The following AK4 variants were observed in gnomAD, a reference collection of about 807,000 sequenced individuals.
AK4 encodes the protein adenylate kinase 4, mitochondrial.
Under a neutral mutation model 24.6 loss-of-function variants are expected in AK4, and 13 were observed. The ratio of observed to expected loss-of-function variants is 0.53; its 90% confidence interval spans 0.34 to 0.84. The LOEUF (loss-of-function observed/expected upper bound fraction) is 0.84. AK4 is among the 40% of genes least tolerant of loss of function. AK4 has a pLI of 0.01. For missense variants in AK4, 192 were observed against 288.2 expected, an observed-to-expected ratio of 0.67 and a Z score of 2.42; for synonymous variants, 88 against 107.0, an observed-to-expected ratio of 0.82 and a Z score of 1.10.
chr1:65,152,382 ATATTTTTTTTTTTTTTTTT>A (rs1649824665), intron 1 of AK4, among the ~76,000 whole-genome samples: 8 of 26,716 alleles, frequency 3.0e-4, no homozygotes, highest in African/African-American at 7.8e-4. Flanking sequence ...ATATATATAT[ATATTTTTTTTTTTTTTTTT>A]TTTTTTTTTT....
intron 1 of AK4, among the ~76,000 whole-genome samples, chr1:65,156,080 GT>G (rs1383995030): frequency 2.6e-5 from 4 of 152,088 alleles, no homozygotes; most frequent in African/African-American, 9.7e-5. Flanking sequence ...GTTAAATACT[GT>G]TTTTTAATGT....
chr1:65,192,417 A>C (rs1338086868), intron 2 of AK4, among the ~76,000 whole-genome samples: 1 of 152,124 alleles, frequency 6.6e-6, no homozygotes, highest in African/African-American at 2.4e-5. Context: ...TGACCTAATT[A>C]CCTCTTAAAG....
intron 2 of AK4, among the ~76,000 whole-genome samples, chr1:65,198,950 G>A (rs924944619): frequency 6.6e-6 from 1 of 151,868 alleles, no homozygotes; most frequent in Non-Finnish European, 1.5e-5. Flanking sequence ...GGTGGTGCAT[G>A]CCTGTCTATA....
chr1:65,180,693 A>G (rs747201545), intron 1 of AK4, among the ~76,000 whole-genome samples: 2 of 152,172 alleles, frequency 1.3e-5, no homozygotes, highest in African/African-American at 2.4e-5. Context: ...AGTTATTTCT[A>G]CTTCAGTGCC....
intron 2 of AK4, among the ~76,000 whole-genome samples, chr1:65,196,074 T>A (rs1300674472): frequency 6.6e-6 from 1 of 152,192 alleles, no homozygotes; most frequent in Non-Finnish European, 1.5e-5. Flanking sequence ...TCTTTAAAGC[T>A]CTGGAATAAA....
At chr1:65,199,288 G>A (rs974302118) in intron 2 of AK4, among the ~76,000 whole-genome samples, 6 of 151,988 alleles carry the variant, frequency 3.9e-5, no homozygotes, top group Admixed American at 6.6e-5. Flanking sequence ...GGTGGCTCAC[G>A]CCTGTAATCC....
At chr1:65,179,720 A>G (rs1383557784) in intron 1 of AK4, among the ~76,000 whole-genome samples, 1 of 152,142 alleles carries the variant, frequency 6.6e-6, no homozygotes, top group Non-Finnish European at 1.5e-5. Context: ...CTGTAGTCTC[A>G]GCTACTCTGG....
intron 1 of AK4, among the ~76,000 whole-genome samples, chr1:65,157,792 GAAA>G (rs939998627): frequency 6.8e-6 from 1 of 147,354 alleles, no homozygotes; most frequent in African/African-American, 2.5e-5. Context: ...CTGTCTCTGA[GAAA>G]AAAAAAAATT....
intron 3 of AK4, among the ~76,000 whole-genome samples, chr1:65,223,508 C>T (rs1207757224): frequency 6.6e-6 from 1 of 151,844 alleles, no homozygotes; most frequent in Non-Finnish European, 1.5e-5. Context: ...AATGTTATCA[C>T]GTATGATGAG....
At chr1:65,199,346 G>A (rs753629144) in intron 2 of AK4, among the ~76,000 whole-genome samples, 1 of 152,050 alleles carries the variant, frequency 6.6e-6, no homozygotes, top group Non-Finnish European at 1.5e-5. Flanking sequence ...TCAGGAGTTC[G>A]AGACCAGCCT....
chr1:65,162,618 A>G (rs1261548929), intron 1 of AK4, among the ~76,000 whole-genome samples: 2 of 152,128 alleles, frequency 1.3e-5, no homozygotes, highest in African/African-American at 4.8e-5. Context: ...TGAGGCGGGC[A>G]GATCACAAGG....
intron 1 of AK4, among the ~76,000 whole-genome samples, chr1:65,152,688 C>T (rs972290561): frequency 2.6e-5 from 4 of 151,832 alleles, no homozygotes; most frequent in Admixed American, 6.6e-5. Context: ...CGTGAGCCAC[C>T]GCACCTGGCC....
intron 1 of AK4, among the ~76,000 whole-genome samples, chr1:65,152,353 T>TCG (rs1649808758): frequency 4.9e-5 from 2 of 40,596 alleles, no homozygotes; most frequent in Non-Finnish European, 9.1e-5. Flanking sequence ...TCTCTCTCTC[T>TCG]CTCTCTCTAT....
intron 1 of AK4, among the ~76,000 whole-genome samples, chr1:65,184,085 C>T (rs1651006575): frequency 6.6e-6 from 1 of 152,052 alleles, no homozygotes; most frequent in African/African-American, 2.4e-5. Flanking sequence ...TGTATATTAT[C>T]TGATCTAGTT....
At chr1:65,176,410 G>A (rs1013455581) in intron 1 of AK4, among the ~76,000 whole-genome samples, 6 of 152,178 alleles carry the variant, frequency 3.9e-5, no homozygotes, top group Admixed American at 3.3e-4. Context: ...CTCAGGAAGC[G>A]TTCTAGGGAA....
chr1:65,153,227 C>T (rs1276127302), intron 1 of AK4, among the ~76,000 whole-genome samples: 1 of 152,200 alleles, frequency 6.6e-6, no homozygotes, highest in East Asian at 1.9e-4. Context: ...TCTGCCTTAG[C>T]CACATGTACA....
intron 1 of AK4, among the ~76,000 whole-genome samples, chr1:65,158,799 AC>A (rs1650059769): frequency 6.6e-6 from 1 of 151,926 alleles, no homozygotes; most frequent in South Asian, 2.1e-4. Context: ...GAGCCACTGC[AC>A]CCGGCCCAAA....
chr1:65,215,650 A>G (rs187885321), intron 2 of AK4, among the ~76,000 whole-genome samples: 1 of 152,324 alleles, frequency 6.6e-6, no homozygotes, highest in Non-Finnish European at 1.5e-5. Context: ...AGCAGGTCTG[A>G]ATGTGAGAGT....
chr1:65,230,392 A>G lies in AK4; in HGVS notation c.*4215A>G, dbSNP rs1272014232. 1.3e-5 allele frequency: 2 copies of G among 152,216 alleles called. No homozygotes were observed. The highest frequency in any genetic ancestry group is 2.9e-5 in the Non-Finnish European group (2 of 68,046). The allele number at this position is 152,216 out of a possible 1,614,324, so 9.4% of individuals were successfully genotyped here. On this transcript the variant is annotated 3_prime_UTR_variant, in exon 5 of 5. Transcript: ENST00000327299. Reference sequence around the variant, plus strand: ...TAGTTCACCGGAACCTGAGTTCAGTATTTGACATTAGCTTTTTGTCCAAAG... The same window carrying G: ...TAGTTCACCGGAACCTGAGTTCAGTGTTTGACATTAGCTTTTTGTCCAAAG...
Sources: gnomAD v4.1 joint callset for allele counts (sites outside exome capture counted in the v4.1 genomes callset) on GRCh38, gnomAD v4.1.1 for gene constraint, MANE v1.5 for transcripts, NCBI Gene and HGNC (gene_info 2026-07-23, HGNC 2026-07-21) for gene names.